INTS15: variants seen among roughly 807,000 people sequenced by gnomAD.
The protein encoded by INTS15 is uncharacterized protein C7orf26.
the INTS15 span, chr7:6,602,581 C>T: frequency 2.3e-6 from 1 of 434,178 alleles, no homozygotes; most frequent in East Asian, 7.2e-5. Context: ...TTGGCTGTGA[C>T]ACTTGGGAAG....
At chr7:6,607,411 G>A in the INTS15 span, 3 of 564,490 alleles carry the variant, frequency 5.3e-6, no homozygotes, top group Non-Finnish European at 8.6e-6. The surrounding 1 kb of genome is among the most constrained non-coding windows in gnomAD (Gnocchi z 6.0). Flanking sequence ...CCAAGAGTGG[G>A]GGCATCTGAA....
chr7:6,608,125 C>G, the INTS15 span: 2 of 1,265,966 alleles, frequency 1.6e-6, no homozygotes, highest in South Asian at 2.4e-5. Context: ...ACACCTTCAT[C>G]TCCGGCGTGA....
At chr7:6,596,906 G>A in the INTS15 span, among the ~76,000 whole-genome samples, 1 of 151,702 alleles carries the variant, frequency 6.6e-6, no homozygotes, top group East Asian at 2.0e-4. Context: ...GCCTCAGCCT[G>A]TAGCTGGGAC....
the INTS15 span, among the ~76,000 whole-genome samples, chr7:6,596,939 C>T: frequency 2.6e-5 from 4 of 151,856 alleles, no homozygotes; most frequent in Non-Finnish European, 5.9e-5. Context: ...CTACCACACC[C>T]GGCTAATTTT....
At chr7:6,605,659 TGGGGAAGGACAG>T in the INTS15 span, among the ~76,000 whole-genome samples, 1 of 152,130 alleles carries the variant, frequency 6.6e-6, no homozygotes, top group South Asian at 2.1e-4. Context: ...GCACTGCTGT[TGGGGAAGGACAG>T]GGGGTCGCCT....
At chr7:6,606,385 C>T in the INTS15 span, among the ~76,000 whole-genome samples, 1 of 151,764 alleles carries the variant, frequency 6.6e-6, no homozygotes, top group Non-Finnish European at 1.5e-5. Flanking sequence ...GGGGAGTAGA[C>T]AGAGAGCAGG....
the INTS15 span, among the ~76,000 whole-genome samples, chr7:6,590,963 T>C: frequency 6.6e-6 from 1 of 151,898 alleles, no homozygotes; most frequent in Non-Finnish European, 1.5e-5. Flanking sequence ...CTCATCCTTC[T>C]GAGTAGCTGG....
chr7:6,605,678 G>T, the INTS15 span, among the ~76,000 whole-genome samples: 1 of 152,022 alleles, frequency 6.6e-6, no homozygotes, highest in African/African-American at 2.4e-5. Flanking sequence ...ACAGGGGGTC[G>T]CCTGGAATAC....
chr7:6,598,560 C>CCG, the INTS15 span, among the ~76,000 whole-genome samples: 3 of 151,786 alleles, frequency 2.0e-5, no homozygotes, highest in Non-Finnish European at 4.4e-5. Flanking sequence ...GGTTCATACT[C>CCG]CAACAGTTGG....
the INTS15 span, among the ~76,000 whole-genome samples, chr7:6,591,061 ACTCCTGGGCTCAAGATTCTCT>A: frequency 0.015 from 2,205 of 151,288 alleles, 30 homozygotes; most frequent in African/African-American, 0.04. Context: ...CTGGTCTCAA[ACTCCTGGGCTCAAGATTCTCT>A]CTCCTTGGCC....
the INTS15 span, among the ~76,000 whole-genome samples, chr7:6,597,598 C>G: frequency 6.6e-5 from 10 of 152,176 alleles, 1 homozygote; most frequent in Admixed American, 6.6e-4. Flanking sequence ...CCCGACCTAC[C>G]TTTTAAGTCA....
the INTS15 span, among the ~76,000 whole-genome samples, chr7:6,595,549 G>A: frequency 6.6e-6 from 1 of 152,172 alleles, no homozygotes; most frequent in African/African-American, 2.4e-5. Flanking sequence ...AACTATTAGT[G>A]ATACCCATTT....
At chr7:6,608,112 G>T in the INTS15 span, 2 of 1,312,252 alleles carry the variant, frequency 1.5e-6, no homozygotes, top group Non-Finnish European at 2.0e-6. Context: ...ACGCATCCCG[G>T]CCACACCTTC....
the INTS15 span, among the ~76,000 whole-genome samples, chr7:6,600,560 G>T: frequency 1.3e-5 from 2 of 152,214 alleles, no homozygotes; most frequent in Non-Finnish European, 2.9e-5. Context: ...ACATCCCACA[G>T]ATGGGAGGTC....
the INTS15 span, chr7:6,590,441 T>G: frequency 6.3e-7 from 1 of 1,599,540 alleles, no homozygotes; most frequent in Non-Finnish European, 8.5e-7. Flanking sequence ...GAGTTCGTGT[T>G]CCAGGTGCCC....
At chr7:6,603,794 G>A in the INTS15 span, among the ~76,000 whole-genome samples, 4 of 151,978 alleles carry the variant, frequency 2.6e-5, no homozygotes, top group East Asian at 3.9e-4. Flanking sequence ...AGCCAAGACC[G>A]CACCATTGCG....
the INTS15 span, among the ~76,000 whole-genome samples, chr7:6,607,271 G>A: frequency 2.9e-4 from 44 of 152,228 alleles, 1 homozygote; most frequent in South Asian, 8.9e-3. This position sits in a 1 kb window ranked among gnomAD's most constrained non-coding sequence, Gnocchi z 6.0. Context: ...TGGTTGTGCT[G>A]TACCACCAGG....
the INTS15 span, among the ~76,000 whole-genome samples, chr7:6,595,448 G>A: frequency 3.9e-5 from 6 of 152,174 alleles, no homozygotes; most frequent in African/African-American, 9.7e-5. Context: ...ACAGGTGTGA[G>A]CCATTGCACC....
the INTS15 span, chr7:6,602,204 A>C: frequency 7.1e-7 from 1 of 1,409,396 alleles, no homozygotes; most frequent in Non-Finnish European, 9.8e-7. Flanking sequence ...GAGGCAAGAC[A>C]GGGCGAGCCC....
Sources: allele counts gnomAD v4.1 joint callset (sites outside exome capture counted in the v4.1 genomes callset), GRCh38; gene constraint gnomAD v4.1.1; non-coding constraint Gnocchi (gnomAD v3.1); transcripts MANE v1.5; gene names NCBI Gene and HGNC (gene_info 2026-07-23, HGNC 2026-07-21).